NBPF12: variants seen among roughly 807,000 people sequenced by gnomAD.
The protein encoded by NBPF12 is NBPF family member NBPF12.
NBPF12 carries 115 observed loss-of-function variants against 146.4 expected under a neutral mutation model. The observed-to-expected ratio is 0.79, with a 90% CI of 0.68 to 0.92. NBPF12 has a LOEUF of 0.92. Ranked by LOEUF, NBPF12 falls within the 40% of genes least tolerant of loss-of-function variation. The probability of loss-of-function intolerance (pLI) is 0.00; values close to 1 mark genes in which losing one functional copy is unlikely to be tolerated. For synonymous variants in NBPF12, 385 were observed against 508.9 expected (o/e 0.76, Z 3.28); for missense variants, 1,205 against 1,326.8 (o/e 0.91, Z 1.43).
At chr1:146,946,890 C>T (rs1385676724), upstream of NBPF12, among the ~76,000 whole-genome samples, 6 of 151,912 alleles carry the variant, frequency 3.9e-5, no homozygotes, top group Admixed American at 3.9e-4. Flanking sequence ...TAGTTTTTTG[C>T]ATGTGGTTGT....
At chr1:146,980,867 C>T (rs1312659432) in intron 19 of NBPF12, among the ~76,000 whole-genome samples, 1 of 140,892 alleles carries the variant, frequency 7.1e-6, no homozygotes, top group Non-Finnish European at 1.5e-5. Context: ...ATAGCAAAGA[C>T]TTGGAACCAA....
At chr1:146,969,901 G>T (rs1201377861) in intron 11 of NBPF12, among the ~76,000 whole-genome samples, 17 of 150,938 alleles carry the variant, frequency 1.1e-4, no homozygotes, top group Non-Finnish European at 1.9e-4. Flanking sequence ...GGAGTGAAAA[G>T]AGCTCTGGGC....
exon 34 of NBPF12, chr1:146,994,483 A>T (rs1658410865): frequency 6.2e-7 from 1 of 1,607,266 alleles, no homozygotes; most frequent in Non-Finnish European, 8.5e-7. Context: ...ACAGCACATC[A>T]CCTTTGCCCT....
intron 21 of NBPF12, among the ~76,000 whole-genome samples, chr1:146,984,463 AT>A (rs1426329246): frequency 2.0e-5 from 3 of 150,196 alleles, no homozygotes; most frequent in Admixed American, 2.0e-4. Flanking sequence ...ATGCAAAATT[AT>A]TGAGGCCATG....
In NBPF12 at chr1:146,960,386, A is replaced by G. The variant is rs1229801018; in HGVS notation, c.175+68A>G. On this transcript the variant is annotated intron_variant, in intron 4 of 33. Coordinates refer to ENST00000617844, the Ensembl canonical transcript of NBPF12. Reference sequence around the variant, plus strand: ...TCCTGTCTTCTCTCTGAGACACTAAATGCTCTCTCCATCAAAAATAATTTC... The same window carrying G: ...TCCTGTCTTCTCTCTGAGACACTAAGTGCTCTCTCCATCAAAAATAATTTC... 5.0e-5 allele frequency: 56 copies of G among 1,119,778 alleles called. 2 individuals are homozygous for G. Among genetic ancestry groups the G allele is most frequent in the Admixed American group, 1.8e-4 (10 of 55,976 alleles). The allele number at this position is 1,119,778 out of a possible 1,614,324, so 69.4% of individuals were successfully genotyped here.
At chr1:146,964,776 A>G in intron 7 of NBPF12, 117 bp from the exon 11 acceptor site, 8 of 1,543,902 alleles carry the variant, frequency 5.2e-6, no homozygotes, top group Admixed American at 3.4e-5. Context: ...GGGAACCTCC[A>G]TTTTGCTTTC....
At position 146,962,258 on chromosome 1, in the gene NBPF12, G is replaced by C. The variant is rs1386234018; in HGVS notation, c.273G>C (p.Glu91Asp). 1.9e-6 allele frequency: 3 copies of C among 1,603,848 alleles called. No homozygotes were observed. The African/African-American group carries it at 4.0e-5, about 21-fold the overall frequency. ...CAGAGCAGCTGAAACAAGCTGAGGAGCTCAGGTGAGGGGACCCCATGGGGG... is the reference window on the plus strand; with the variant it reads ...CAGAGCAGCTGAAACAAGCTGAGGACCTCAGGTGAGGGGACCCCATGGGGG... The change falls in exon 5 of 34, where the codon GAG becomes GAC. Residue 91 changes from glutamate to aspartate, a missense_variant. Glu to Asp is a conservative substitution (Grantham distance 45, BLOSUM62 2). Coordinates refer to ENST00000617844, the Ensembl canonical transcript of NBPF12.
In NBPF12 at chr1:146,983,033, C is replaced by G. The variant is rs1395480247; in HGVS notation, c.2556C>G (p.Tyr852Ter). 5 of 1,608,374 alleles carry G rather than the reference C, an allele frequency of 3.1e-6. No homozygotes were observed. Among genetic ancestry groups the G allele is most frequent in the Admixed American group, 1.7e-5 (1 of 59,804 alleles). Residue 852 changes from tyrosine to a stop codon, truncating the protein, a stop_gained, in exon 20 of 34, where the codon TAC becomes TAG. Coordinates refer to ENST00000617844, the Ensembl canonical transcript of NBPF12. LOFTEE classifies it high-confidence loss of function. ...AAAGGTTGGCCTCATACCAGTCTTA[C>G]AGCAGCACATTTCACTCATTAGAGG... is the stretch of plus-strand genomic sequence containing the variant.
intron 18 of NBPF12, among the ~76,000 whole-genome samples, chr1:146,978,577 T>A (rs1472443439): frequency 1.3e-5 from 2 of 151,966 alleles, no homozygotes; most frequent in East Asian, 3.9e-4. Context: ...CTATCAGTCG[T>A]GTTTCATGTA....
rs1424748910 is a variant in NBPF12, at chr1:146,940,289, CAGA to C, written c.-822+1313_-822+1315del. ...ATCTTCGAAAAGTTACTGAAGTATA[CAGA>C]AGAAGTTCACAATTTTAAACGTGCA... On this transcript the variant is annotated intron_variant, in intron 1 of 35. Coordinates refer to the NBPF12 transcript ENST00000617931. 4.6e-5 allele frequency among the ~76,000 whole-genome samples: 7 copies of C among 151,552 alleles called. No homozygotes were observed. The South Asian group carries it at 6.2e-4, about 13-fold the overall frequency.
intron 10 of NBPF12, among the ~76,000 whole-genome samples, chr1:146,969,050 G>A (rs1570854825): frequency 2.0e-5 from 3 of 151,530 alleles, no homozygotes; most frequent in Admixed American, 6.6e-5. Flanking sequence ...GATGCACTAT[G>A]TGTATTTTCA....
chr1:146,986,057 T>C (rs1263540839), intron 23 of NBPF12, among the ~76,000 whole-genome samples: 2,384 of 148,510 alleles, frequency 0.016, no homozygotes, highest in Non-Finnish European at 0.027. Context: ...GTTCACTGTG[T>C]GTCCCGAGGG....
chr1:146,972,780 G>T, exon 14 of NBPF12: 2 of 1,238,988 alleles, frequency 1.6e-6, no homozygotes, highest in Non-Finnish European at 2.4e-6. Context: ...TGCCACAAAC[G>T]TCAGCATGGT....
At chr1:146,942,912 C>G (rs1654870340) in intron 1 of NBPF12, among the ~76,000 whole-genome samples, 1 of 144,140 alleles carries the variant, frequency 6.9e-6, no homozygotes. Context: ...CCTGGCTACT[C>G]AAATATTTAG....
At chr1:146,977,183 G>A (rs1657096602) in intron 17 of NBPF12, among the ~76,000 whole-genome samples, 182 bp downstream of exon 20, 1 of 146,348 alleles carries the variant, frequency 6.8e-6, no homozygotes, top group Non-Finnish European at 1.5e-5. Context: ...TGTGTGCCGA[G>A]TGTCATGTCT....
rs1199820506 is a variant in NBPF12 at position 146,994,850 on chromosome 1, G to T, written c.*275G>T. 39 of 599,806 alleles carry T rather than the reference G, an allele frequency of 6.5e-5. 1 individual carries two copies. Among genetic ancestry groups the T allele is most frequent in the Non-Finnish European group, 1.0e-4 (38 of 367,214 alleles). The allele number at this position is 599,806 out of a possible 1,614,324, so 37.2% of individuals were successfully genotyped here. A position where few individuals can be genotyped will look rare whatever the true frequency, so the allele number is the denominator to read the frequency against. On this transcript the variant is annotated 3_prime_UTR_variant, in exon 34 of 34. Coordinates refer to ENST00000617844, the Ensembl canonical transcript of NBPF12. The stretch of plus-strand genomic sequence containing the variant: ...AATTTGAACCATGTATCTCTGGGTA[G>T]CTACAAAATTCCTCAGGGATTTCAT...
chr1:146,954,939 C>A (rs1655507872), intron 2 of NBPF12, among the ~76,000 whole-genome samples: 4 of 95,648 alleles, frequency 4.2e-5, no homozygotes, highest in South Asian at 3.9e-4. Context: ...ATATATTCAC[C>A]GTTTTGAAGA....
At chr1:146,954,921 G>A (rs1416857479) in intron 2 of NBPF12, among the ~76,000 whole-genome samples, 18,424 of 83,454 alleles carry the variant, frequency 0.22, 1,990 homozygotes, top group East Asian at 0.39. Context: ...GTGTGTGTGT[G>A]TATATATATA....
intron 9 of NBPF12, 119 bp downstream of exon 12, chr1:146,966,792 A>G (rs1656241794): frequency 1.4e-6 from 1 of 727,992 alleles, no homozygotes; most frequent in African/African-American, 1.8e-5. Context: ...CTAGGAAAAC[A>G]GAAATGGGTA....
Sources: allele counts gnomAD v4.1 joint callset (sites outside exome capture counted in the v4.1 genomes callset), GRCh38; gene constraint gnomAD v4.1.1; transcripts MANE v1.5; gene names NCBI Gene and HGNC (gene_info 2026-07-23, HGNC 2026-07-21).